ENAH: variants seen among roughly 807,000 people sequenced by gnomAD.
ENAH encodes the protein protein enabled homolog.
ENAH carries 23 observed loss-of-function variants against 78.7 expected under a neutral mutation model. The ratio of observed to expected loss-of-function variants is 0.29; its 90% CI spans 0.21 to 0.41. The LOEUF (loss-of-function observed/expected upper bound fraction) is 0.41. ENAH is among the 10% of genes least tolerant of loss of function. The probability of loss-of-function intolerance (pLI) is 1.00; values close to 1 mark genes in which losing one functional copy is unlikely to be tolerated. For synonymous variants in ENAH, 226 were observed against 241.0 expected (o/e 0.94, Z 0.58); for missense variants, 544 against 691.0 (o/e 0.79, Z 2.39).
At chr1:225,571,491 G>A (rs766124453) in intron 1 of ENAH, among the ~76,000 whole-genome samples, 3 of 152,312 alleles carry the variant, frequency 2.0e-5, no homozygotes, top group South Asian at 2.1e-4. Context: ...AGGGTCAACT[G>A]TATTTGGCCT....
In ENAH at chr1:225,495,493, C is replaced by T. The variant is rs1575277474; in HGVS notation, c.*2282G>A. 9.0e-6 allele frequency: 1 copy of T among 110,800 alleles called. No homozygotes were observed. The highest frequency in any genetic ancestry group is 1.3e-4 in the Admixed American group (1 of 7,564). 6.9% of individuals were successfully genotyped at this position (110,800 alleles called of 1,614,324 possible). On this transcript the variant is annotated 3_prime_UTR_variant, in exon 14 of 14. Coordinates refer to ENST00000366843, the MANE Select transcript of ENAH (RefSeq NM_018212.6). The stretch of plus-strand genomic sequence containing the variant: ...TTTTTTTTTTGTCAGTTTACACATA[C>T]ATCATGTTAATATTAGACCAAGGCA...
chr1:225,530,984 G>C (rs1381261872), intron 3 of ENAH: 1 of 400,688 alleles, frequency 2.5e-6, no homozygotes, highest in East Asian at 3.6e-5. Context: ...TTCTCTTTGG[G>C]GTAATTATTC....
In ENAH at chr1:225,530,559, T is replaced by C. The variant is rs148691501; in HGVS notation, c.429A>G (p.Gln143=). 7.6e-5 allele frequency: 122 copies of C among 1,611,656 alleles called. No homozygotes were observed. In the African/African-American group the frequency reaches 1.4e-3, roughly 18 times the overall value. ...ACAATAACTTGAAAATTTACCTTCT[T>C]TGAATTTCCAATTCTTCTTGGGATG... The part of the protein sequence containing the change: ...NGPSQEELEI[Q]RRQLQEQQRQ... Residue 143 remains glutamine (Q), a synonymous_variant, in exon 4 of 14, where the codon CAA becomes CAG. Transcript: ENST00000366843.
At chr1:225,570,749 G>A (rs1018390750) in intron 1 of ENAH, among the ~76,000 whole-genome samples, 6 of 150,794 alleles carry the variant, frequency 4.0e-5, no homozygotes, top group African/African-American at 1.5e-4. Flanking sequence ...CCTAAGGTGA[G>A]GAGTTGGGAG....
intron 1 of ENAH, among the ~76,000 whole-genome samples, chr1:225,616,017 C>T (rs369400436): frequency 3.3e-5 from 5 of 152,178 alleles, no homozygotes; most frequent in African/African-American, 1.2e-4. Context: ...TGCTGTTAAT[C>T]TATAACCTTA....
intron 1 of ENAH, among the ~76,000 whole-genome samples, chr1:225,589,836 T>G (rs950180883): frequency 6.6e-6 from 1 of 152,044 alleles, no homozygotes; most frequent in African/African-American, 2.4e-5. Flanking sequence ...ATTCTTGAAA[T>G]TTTTCATAAT....
chr1:225,534,565 A>G (rs1221005425), intron 3 of ENAH, among the ~76,000 whole-genome samples: 3 of 152,166 alleles, frequency 2.0e-5, no homozygotes, highest in Non-Finnish European at 2.9e-5. Flanking sequence ...TGAGTCACAT[A>G]AAGTACATAC....
chr1:225,557,614 A>C (rs1256649092), intron 2 of ENAH, among the ~76,000 whole-genome samples: 1 of 152,176 alleles, frequency 6.6e-6, no homozygotes, highest in African/African-American at 2.4e-5. Context: ...TGACGTCAGG[A>C]GTTCAAGACC....
intron 1 of ENAH, among the ~76,000 whole-genome samples, chr1:225,627,709 T>C (rs184776515): frequency 2.8e-4 from 42 of 152,336 alleles, no homozygotes; most frequent in Admixed American, 2.4e-3. Context: ...GAGTTGTTAA[T>C]GATTTCCTAG....
intron 10 of ENAH, among the ~76,000 whole-genome samples, chr1:225,509,249 T>C (rs925113733): frequency 6.6e-6 from 1 of 152,102 alleles, no homozygotes; most frequent in Non-Finnish European, 1.5e-5. Context: ...AGGGAAGTCC[T>C]GAATGAAACT....
intron 3 of ENAH, chr1:225,530,967 T>A (rs886167337): frequency 2.5e-5 from 10 of 403,152 alleles, no homozygotes; most frequent in Admixed American, 1.7e-4. Context: ...TCTAAGACAA[T>A]GAGACATTCT....
chr1:225,534,625 A>C (rs1015224971), intron 3 of ENAH, among the ~76,000 whole-genome samples: 1 of 152,098 alleles, frequency 6.6e-6, no homozygotes, highest in Non-Finnish European at 1.5e-5. Flanking sequence ...TATATCATTT[A>C]ATAACTTTAT....
intron 1 of ENAH, among the ~76,000 whole-genome samples, chr1:225,620,318 G>A (rs887569773): frequency 1.3e-5 from 2 of 151,690 alleles, no homozygotes; most frequent in African/African-American, 4.8e-5. Context: ...ACAAGGTCAG[G>A]AGATTGAGAC....
intron 1 of ENAH, among the ~76,000 whole-genome samples, chr1:225,584,012 G>T (rs1329237147): frequency 6.6e-6 from 1 of 151,924 alleles, no homozygotes; most frequent in East Asian, 1.9e-4. Context: ...AATTAGCCAG[G>T]TGTGGTGGTG....
chr1:225,579,417 C>A (rs1025672414), intron 1 of ENAH, among the ~76,000 whole-genome samples: 1 of 152,116 alleles, frequency 6.6e-6, no homozygotes, highest in African/African-American at 2.4e-5. Flanking sequence ...TAACCTATAA[C>A]AAAAACATGT....
chr1:225,505,426 C>T (rs747737912), intron 11 of ENAH, among the ~76,000 whole-genome samples: 5 of 152,174 alleles, frequency 3.3e-5, no homozygotes, highest in Non-Finnish European at 7.3e-5. Flanking sequence ...ACTTCCCAAA[C>T]GTTATAATCC....
intron 3 of ENAH, among the ~76,000 whole-genome samples, chr1:225,545,725 G>A (rs916171597): frequency 5.3e-5 from 8 of 151,972 alleles, no homozygotes; most frequent in Non-Finnish European, 1.0e-4. Flanking sequence ...TCCTTGAAAC[G>A]GTCCAGAAGG....
intron 1 of ENAH, 59 bp downstream of exon 1, chr1:225,652,627 G>T: frequency 7.9e-7 from 1 of 1,259,536 alleles, no homozygotes; most frequent in Non-Finnish European, 1.0e-6. Flanking sequence ...GAGGAGAACG[G>T]GGGTCGCGGC....
chr1:225,585,989 GA>G (rs1188087586), intron 1 of ENAH, among the ~76,000 whole-genome samples: 13 of 152,192 alleles, frequency 8.5e-5, no homozygotes, highest in African/African-American at 3.1e-4. Flanking sequence ...CAAGGTGGAA[GA>G]ACTGTTTGAG....
Sources: allele counts gnomAD v4.1 joint callset (sites outside exome capture counted in the v4.1 genomes callset), GRCh38; gene constraint gnomAD v4.1.1; transcripts MANE v1.5; gene names NCBI Gene and HGNC (gene_info 2026-07-23, HGNC 2026-07-21).